CSMD1: variants seen among roughly 807,000 people sequenced by gnomAD.
CSMD1 encodes the protein CUB and sushi domain-containing protein 1.
Under a neutral mutation model 417.5 loss-of-function variants are expected in CSMD1, and 213 were observed. The observed-to-expected ratio is 0.51, with a 90% CI of 0.46 to 0.57. The LOEUF is 0.57. Ranked by LOEUF, CSMD1 falls within the 20% of genes least tolerant of loss-of-function variation. The probability of loss-of-function intolerance (pLI) is 0.00; values close to 1 mark genes in which losing one functional copy is unlikely to be tolerated. For synonymous variants in CSMD1, 2,862 were observed against 1,736.8 expected (o/e 1.65, Z -16.11); for missense variants, 6,923 against 4,529.7 (o/e 1.53, Z -15.17).
chr8:3,620,921 A>G (rs1302754229), intron 7 of CSMD1, among the ~76,000 whole-genome samples: 1 of 152,186 alleles, frequency 6.6e-6, no homozygotes, highest in Non-Finnish European at 1.5e-5. Context: ...AAACACCAGT[A>G]CCTCACAATT....
At chr8:4,095,025 G>T (rs146727166) in intron 3 of CSMD1, among the ~76,000 whole-genome samples, 1 of 152,162 alleles carries the variant, frequency 6.6e-6, no homozygotes, top group African/African-American at 2.4e-5. Flanking sequence ...TGGCAACAAA[G>T]ATCTTGAGAA....
At chr8:3,664,363 T>A (rs976802905) in intron 7 of CSMD1, among the ~76,000 whole-genome samples, 1 of 152,222 alleles carries the variant, frequency 6.6e-6, no homozygotes, top group Non-Finnish European at 1.5e-5. Context: ...TTGGACTTCA[T>A]ACAATGAAGC....
intron 3 of CSMD1, among the ~76,000 whole-genome samples, chr8:4,390,209 C>G (rs903122463): frequency 6.6e-6 from 1 of 152,062 alleles, no homozygotes; most frequent in Non-Finnish European, 1.5e-5. Flanking sequence ...ATGTTTTTGA[C>G]CAGTCAGGTT....
chr8:3,734,820 A>G (rs559654981), intron 6 of CSMD1, among the ~76,000 whole-genome samples: 19 of 152,320 alleles, frequency 1.2e-4, no homozygotes, highest in Admixed American at 1.2e-3. Context: ...TGACGGGGAT[A>G]CCTTCCTTCT....
chr8:4,260,763 T>C (rs560808062), intron 3 of CSMD1, among the ~76,000 whole-genome samples: 3 of 152,320 alleles, frequency 2.0e-5, no homozygotes, highest in African/African-American at 7.2e-5. Context: ...TTAGGCTAAG[T>C]TATATAGGAC....
intron 50 of CSMD1, among the ~76,000 whole-genome samples, chr8:3,041,176 A>C (rs995050052): frequency 6.6e-6 from 1 of 152,222 alleles, no homozygotes; most frequent in African/African-American, 2.4e-5. Context: ...TTTGGACTTA[A>C]TAAAAAGGAA....
At chr8:4,302,813 A>G (rs1474157024) in intron 3 of CSMD1, among the ~76,000 whole-genome samples, 1 of 152,160 alleles carries the variant, frequency 6.6e-6, no homozygotes, top group African/African-American at 2.4e-5. Flanking sequence ...CAGAGAGTGA[A>G]GTCACAGGGT....
At chr8:4,263,207 G>C (rs1047128286) in intron 3 of CSMD1, among the ~76,000 whole-genome samples, 7 of 150,008 alleles carry the variant, frequency 4.7e-5, no homozygotes, top group African/African-American at 1.5e-4. Flanking sequence ...TCTAGTATTC[G>C]AGGGCTAAAG....
chr8:4,574,807 T>C (rs973528499), intron 2 of CSMD1, among the ~76,000 whole-genome samples: 1 of 152,164 alleles, frequency 6.6e-6, no homozygotes, highest in South Asian at 2.1e-4. Flanking sequence ...CCATCCAATA[T>C]CAAAACAAAA....
intron 65 of CSMD1, among the ~76,000 whole-genome samples, chr8:2,952,421 G>C (rs1194609228): frequency 1.3e-5 from 2 of 152,114 alleles, no homozygotes; most frequent in African/African-American, 4.8e-5. Flanking sequence ...ACTTGGCCTA[G>C]CAAGAGAAGG....
At chr8:3,217,537 G>C (rs1012868685) in intron 29 of CSMD1, among the ~76,000 whole-genome samples, 2 of 151,988 alleles carry the variant, frequency 1.3e-5, no homozygotes, top group African/African-American at 4.8e-5. Flanking sequence ...GATTTTGTTG[G>C]GGGCGTGGGG....
At chr8:3,527,076 G>T (rs1233907298) in intron 10 of CSMD1, among the ~76,000 whole-genome samples, 3 of 152,006 alleles carry the variant, frequency 2.0e-5, no homozygotes. Context: ...ACGCTGCAAA[G>T]AAAGCCCAGA....
chr8:4,832,630 A>G (rs963508719), intron 1 of CSMD1, among the ~76,000 whole-genome samples: 3 of 152,204 alleles, frequency 2.0e-5, no homozygotes, highest in African/African-American at 7.2e-5. Flanking sequence ...TAAGTGTCAA[A>G]TCTATCTGCT....
chr8:4,757,471 A>G (rs1257341363), intron 1 of CSMD1, among the ~76,000 whole-genome samples: 1 of 152,112 alleles, frequency 6.6e-6, no homozygotes, highest in East Asian at 1.9e-4. Context: ...ATTCAACATC[A>G]AACAGATAAT....
At chr8:3,543,863 G>A (rs1233373147) in intron 10 of CSMD1, among the ~76,000 whole-genome samples, 1 of 152,180 alleles carries the variant, frequency 6.6e-6, no homozygotes, top group Non-Finnish European at 1.5e-5. Context: ...GAAGCTGCAG[G>A]ATCAGAGTCA....
In CSMD1 at chr8:4,953,077, T is replaced by C. The variant is rs551779519; in HGVS notation, c.85+41255A>G. 5.3e-5 allele frequency among the ~76,000 whole-genome samples: 8 copies of C among 152,208 alleles called. No individual in the cohort carries two copies. In the South Asian group the frequency reaches 1.7e-3, roughly 32 times the overall value. ...CAGATGTTAAGACAAAAAAACATTA[T>C]AGTCCTTAAAAGAAATATATATTCA... On this transcript the variant is annotated intron_variant, in intron 1 of 69. Coordinates refer to ENST00000635120, the MANE Select transcript of CSMD1 (RefSeq NM_033225.6).
chr8:4,781,183 C>G (rs1797134412), intron 1 of CSMD1, among the ~76,000 whole-genome samples: 1 of 152,170 alleles, frequency 6.6e-6, no homozygotes, highest in Non-Finnish European at 1.5e-5. Context: ...CTAGCAAATA[C>G]ATCTCCGCAA....
intron 3 of CSMD1, among the ~76,000 whole-genome samples, chr8:4,058,464 A>G (rs1389229485): frequency 2.0e-5 from 3 of 152,166 alleles, no homozygotes; most frequent in African/African-American, 7.2e-5. Context: ...CAGATACACA[A>G]TCACGTCATC....
chr8:3,174,543 C>G (rs997173742), intron 37 of CSMD1, among the ~76,000 whole-genome samples: 3 of 152,098 alleles, frequency 2.0e-5, no homozygotes, highest in African/African-American at 4.8e-5. Flanking sequence ...AAGATCACTT[C>G]TATATTTTCT....
Sources: gnomAD v4.1 joint callset for allele counts (sites outside exome capture counted in the v4.1 genomes callset) on GRCh38, gnomAD v4.1.1 for gene constraint, MANE v1.5 for transcripts, NCBI Gene and HGNC (gene_info 2026-07-23, HGNC 2026-07-21) for gene names.